The following RAB27B variants were observed in gnomAD, a reference collection of about 807,000 sequenced individuals.
RAB27B encodes the protein ras-related protein Rab-27B.
In RAB27B, 15 loss-of-function variants were observed where a neutral mutation model predicts 24.6. That is an observed-to-expected ratio of 0.61 (90% CI 0.41 to 0.94). RAB27B has a LOEUF of 0.94. Ranked by LOEUF, RAB27B falls within the 40% of genes least tolerant of loss-of-function variation. The pLI, the probability that RAB27B is intolerant of heterozygous loss-of-function variation, is 0.00. For missense variants in RAB27B, 261 were observed against 266.8 expected, an observed-to-expected ratio of 0.98 and a Z score of 0.15; for synonymous variants, 105 against 92.5, an observed-to-expected ratio of 1.14 and a Z score of -0.78.
At chr18:54,825,562 G>A, upstream of RAB27B, among the ~76,000 whole-genome samples, 1 of 152,144 alleles carries the variant, frequency 6.6e-6, no homozygotes, top group East Asian at 1.9e-4. Flanking sequence ...TTTTGTAAAT[G>A]TTGAGTATAT....
At chr18:54,771,940 T>C (rs1487053517) in intron 2 of RAB27B, among the ~76,000 whole-genome samples, 3 of 152,168 alleles carry the variant, frequency 2.0e-5, no homozygotes, top group Admixed American at 6.6e-5. Context: ...AAGAGAAAAA[T>C]ATATCATCTC....
chr18:54,779,635 T>A (rs1452316993), intron 2 of RAB27B, among the ~76,000 whole-genome samples: 1 of 152,178 alleles, frequency 6.6e-6, no homozygotes, highest in Non-Finnish European at 1.5e-5. Flanking sequence ...AATAGGTCAG[T>A]GGGCTTCAGA....
At chr18:54,825,010 G>A (rs1345126402), upstream of RAB27B, among the ~76,000 whole-genome samples, 3 of 151,992 alleles carry the variant, frequency 2.0e-5, no homozygotes, top group East Asian at 5.8e-4. Flanking sequence ...ACTTTAAAAT[G>A]GCACACAGGA....
At chr18:54,742,628 G>T (rs1477085785) in intron 2 of RAB27B, among the ~76,000 whole-genome samples, 1 of 152,264 alleles carries the variant, frequency 6.6e-6, no homozygotes, top group South Asian at 2.1e-4. Context: ...GTAATTATGA[G>T]AACAAGTGCC....
intron 1 of RAB27B, among the ~76,000 whole-genome samples, chr18:54,857,786 T>C (rs948926744): frequency 6.6e-6 from 1 of 152,210 alleles, no homozygotes; most frequent in African/African-American, 2.4e-5. Flanking sequence ...ATAAACCTGA[T>C]ATAGCCCAGT....
At chr18:54,817,502 G>A (rs549279755) in intron 2 of RAB27B, among the ~76,000 whole-genome samples, 1 of 152,026 alleles carries the variant, frequency 6.6e-6, no homozygotes, top group Non-Finnish European at 1.5e-5. Context: ...AATCTTTTGG[G>A]CATAAAATAC....
At position 54,816,767 on chromosome 18, in the gene RAB27B, C is replaced by A. The variant is rs142870955; in HGVS notation, c.-19-60800C>A. ...TAATGAGTTGTGGTGAGGCTAAGGG[C>A]AAACCAGCAATAGCCAAGGCATTTC... On this transcript the variant is annotated intron_variant, in intron 2 of 4. Transcript: ENST00000586570. Among the ~76,000 whole-genome samples the A allele has an allele frequency of 2.9e-3, 447 of 152,190 alleles. 2 individuals are homozygous for A. Among genetic ancestry groups the A allele is most frequent in the Non-Finnish European group, 5.4e-3 (366 of 68,008 alleles).
At chr18:54,887,267 C>T (rs1428901446) in intron 4 of RAB27B, among the ~76,000 whole-genome samples, 1 of 151,590 alleles carries the variant, frequency 6.6e-6, no homozygotes, top group Admixed American at 6.6e-5. Flanking sequence ...CAAATTTACC[C>T]ACTTAAAAAT....
chr18:54,873,429 C>T (rs1912557083), intron 1 of RAB27B, among the ~76,000 whole-genome samples: 1 of 152,146 alleles, frequency 6.6e-6, no homozygotes, highest in Non-Finnish European at 1.5e-5. Flanking sequence ...CCTTTTCTTC[C>T]CTTTTATATC....
chr18:54,823,634 C>A (rs935207232), upstream of RAB27B, among the ~76,000 whole-genome samples: 1 of 152,166 alleles, frequency 6.6e-6, no homozygotes, highest in Non-Finnish European at 1.5e-5. Flanking sequence ...GTACCAGGCA[C>A]AAGTTGCTTA....
Position 54,877,630 on chromosome 18 carries a change from C to CG in RAB27B, c.49dup (p.Asp17GlyfsTer12), listed in dbSNP as rs1912757375. The CG allele has an allele frequency of 3.1e-6, 5 of 1,591,604 alleles. No homozygotes were observed. In the Admixed American group the frequency reaches 5.6e-5, roughly 18 times the overall value. ...ATTATCTGATCAAACTCCTGGCCCT[C>CG]GGGGATTCAGGGGTGGGGAAGACAA... On this transcript the variant is annotated frameshift_variant, in exon 2 of 6. Coordinates refer to ENST00000262094, the MANE Select transcript of RAB27B (RefSeq NM_004163.4). LOFTEE classifies it high-confidence loss of function.
intron 2 of RAB27B, among the ~76,000 whole-genome samples, chr18:54,774,604 T>G (rs1908657846): frequency 6.6e-6 from 1 of 152,234 alleles, no homozygotes; most frequent in Non-Finnish European, 1.5e-5. Context: ...GATTGATGCT[T>G]ATTGCATTTT....
chr18:54,747,387 A>G (rs1480231298), intron 2 of RAB27B, among the ~76,000 whole-genome samples: 1 of 152,198 alleles, frequency 6.6e-6, no homozygotes, highest in Non-Finnish European at 1.5e-5. Context: ...ATAAACTAGC[A>G]AAGTCCTTTT....
At chr18:54,835,788 G>A (rs1397652779) in intron 1 of RAB27B, among the ~76,000 whole-genome samples, 11 of 151,942 alleles carry the variant, frequency 7.2e-5, no homozygotes, top group Non-Finnish European at 2.9e-5. Flanking sequence ...AAGTCACTAG[G>A]CCATCATCAG....
intron 4 of RAB27B, among the ~76,000 whole-genome samples, chr18:54,885,104 A>G (rs1913079191): frequency 6.6e-6 from 1 of 152,152 alleles, no homozygotes; most frequent in Non-Finnish European, 1.5e-5. Flanking sequence ...ACCACAGGAG[A>G]GAAGTATTGG....
At chr18:54,778,810 A>G (rs1908797330) in intron 2 of RAB27B, among the ~76,000 whole-genome samples, 1 of 150,122 alleles carries the variant, frequency 6.7e-6, no homozygotes, top group Non-Finnish European at 1.5e-5. Flanking sequence ...CTAACCTAGA[A>G]TCTCTTTCTC....
chr18:54,782,025 A>G (rs779853390), intron 2 of RAB27B, among the ~76,000 whole-genome samples: 1 of 152,238 alleles, frequency 6.6e-6, no homozygotes, highest in African/African-American at 2.4e-5. Flanking sequence ...AATTATAGGG[A>G]TATTTTATTC....
At chr18:54,882,608 C>G (rs1912970876) in intron 3 of RAB27B, among the ~76,000 whole-genome samples, 1 of 152,166 alleles carries the variant, frequency 6.6e-6, no homozygotes, top group Non-Finnish European at 1.5e-5. Flanking sequence ...GAGTGCTATC[C>G]AGGCTCAACG....
At chr18:54,843,120 G>A (rs910504506) in intron 1 of RAB27B, among the ~76,000 whole-genome samples, 64 of 152,198 alleles carry the variant, frequency 4.2e-4, no homozygotes, top group African/African-American at 1.5e-3. Flanking sequence ...TTAATGGACA[G>A]GCAACATAAA....
Sources: gnomAD v4.1 joint callset for allele counts (sites outside exome capture counted in the v4.1 genomes callset) on GRCh38, gnomAD v4.1.1 for gene constraint, MANE v1.5 for transcripts, NCBI Gene and HGNC (gene_info 2026-07-23, HGNC 2026-07-21) for gene names.